ABCC5: variants seen among roughly 807,000 people sequenced by gnomAD.
The protein encoded by ABCC5 is ATP-binding cassette sub-family C member 5.
In ABCC5, 61 loss-of-function variants were observed where a neutral mutation model predicts 160.9. The ratio of observed to expected loss-of-function variants is 0.38; its 90% CI spans 0.31 to 0.47. ABCC5 has a LOEUF of 0.47. Ranked by LOEUF, ABCC5 falls within the 20% of genes least tolerant of loss-of-function variation. The probability of loss-of-function intolerance (pLI) is 0.99; values close to 1 mark genes in which losing one functional copy is unlikely to be tolerated. For missense variants in ABCC5, 1,308 were observed against 1,813.3 expected (o/e 0.72, Z 5.06); for synonymous variants, 666 against 700.6 (o/e 0.95, Z 0.78).
At chr3:183,980,622 A>G (rs572632834) in intron 8 of ABCC5, among the ~76,000 whole-genome samples, 1 of 152,228 alleles carries the variant, frequency 6.6e-6, no homozygotes, top group South Asian at 2.1e-4. Context: ...AGCCCTCATA[A>G]ATCAAATGTA....
intron 9 of ABCC5, 97 bp downstream of exon 9, chr3:183,978,406 G>A: frequency 2.0e-6 from 3 of 1,464,818 alleles, no homozygotes; most frequent in Non-Finnish European, 2.8e-6. Context: ...TTGGCTCACT[G>A]TAACCTCCAC....
chr3:183,921,269 A>AAG lies in ABCC5; in HGVS notation c.*30_*31insCT, dbSNP rs772210207. On this transcript the variant is annotated 3_prime_UTR_variant, in exon 30 of 30. Coordinates refer to ENST00000334444, the MANE Select transcript of ABCC5 (RefSeq NM_005688.4). The surrounding 1 kb of genome is among the most constrained non-coding windows in gnomAD (Gnocchi z 4.1). Reference sequence around the variant, plus strand: ...CCCAGGCAGGGAATGGCAATGCTCTAAAGAAAAGAGACTTCGTCAACAGGG... The same window carrying AAG: ...CCCAGGCAGGGAATGGCAATGCTCTAAGAAGAAAAGAGACTTCGTCAACAGGG... 7.4e-7 allele frequency: 1 copy of AAG among 1,348,660 alleles called. No individual in the cohort carries two copies. The highest frequency in any genetic ancestry group is 1.2e-5 in the South Asian group (1 of 82,184). The allele number at this position is 1,348,660 out of a possible 1,614,324, so 83.5% of individuals were successfully genotyped here. A position where few individuals can be genotyped will look rare whatever the true frequency, so the allele number is the denominator to read the frequency against.
chr3:183,983,031 T>C (rs1294529969), intron 5 of ABCC5, 24 bp from the exon 6 acceptor site: 1 of 1,575,466 alleles, frequency 6.3e-7, no homozygotes, highest in South Asian at 1.1e-5. Flanking sequence ...CACACACCAC[T>C]GTCAACATCT....
intron 2 of ABCC5, among the ~76,000 whole-genome samples, chr3:184,009,341 TC>T (rs1721502283): frequency 6.6e-6 from 1 of 152,206 alleles, no homozygotes. Context: ...GGAGATCCTG[TC>T]CCAGATTTCC....
Position 183,963,387 on chromosome 3 carries a change from G to GT in ABCC5, c.2232dup (p.Gln745ThrfsTer5). 1.9e-6 allele frequency: 3 copies of GT among 1,614,240 alleles called. No individual in the cohort carries two copies. Among genetic ancestry groups the GT allele is most frequent in the Non-Finnish European group, 2.5e-6 (3 of 1,180,028 alleles). The stretch of plus-strand genomic sequence containing the variant: ...GCCGAGGGAAGAAAGAACCATACCT[G>GT]TAACTGGTGGGTAACAAACAGAACT... On this transcript the variant is annotated frameshift_variant, in exon 15 of 30. Transcript: ENST00000334444. LOFTEE classifies it high-confidence loss of function. The surrounding 1 kb of genome is among the most constrained non-coding windows in gnomAD (Gnocchi z 4.6).
intron 16 of ABCC5, 74 bp from the exon 17 acceptor site, chr3:183,959,909 G>A: frequency 9.4e-7 from 1 of 1,065,622 alleles, no homozygotes; most frequent in Admixed American, 2.3e-5. Flanking sequence ...TACATATTAG[G>A]GAATCATCAA....
intron 10 of ABCC5, among the ~76,000 whole-genome samples, chr3:183,976,340 G>A (rs935970731): frequency 1.3e-5 from 2 of 151,596 alleles, no homozygotes; most frequent in African/African-American, 2.4e-5. Context: ...CTGCAGGCTC[G>A]ACCTCCTGGG....
At chr3:183,958,534 C>A (rs990919559) in intron 17 of ABCC5, among the ~76,000 whole-genome samples, 5 of 152,160 alleles carry the variant, frequency 3.3e-5, no homozygotes, top group African/African-American at 1.2e-4. Flanking sequence ...ATAAACCACA[C>A]TTGAATTCAA....
At chr3:183,936,759 T>C (rs1713768468) in intron 26 of ABCC5, among the ~76,000 whole-genome samples, 1 of 152,136 alleles carries the variant, frequency 6.6e-6, no homozygotes. Context: ...CCGCCCGCAT[T>C]GGCCTCCCAA....
intron 24 of ABCC5, among the ~76,000 whole-genome samples, chr3:183,944,344 G>A (rs529671339): frequency 4.0e-5 from 6 of 151,772 alleles, no homozygotes; most frequent in East Asian, 3.9e-4. Flanking sequence ...GGACTGAGCC[G>A]TATTCATGCC....
intron 12 of ABCC5, 106 bp downstream of exon 12, chr3:183,967,589 T>A: frequency 1.0e-6 from 1 of 956,990 alleles, no homozygotes; most frequent in Non-Finnish European, 1.7e-6. Flanking sequence ...GGCTGAGGGT[T>A]CATTTGTTTC....
chr3:183,926,078 T>C (rs918497856), intron 28 of ABCC5, among the ~76,000 whole-genome samples: 4 of 148,846 alleles, frequency 2.7e-5, no homozygotes, highest in Admixed American at 2.7e-4. Context: ...GACCTTGCGA[T>C]CCACCTGCCT....
At chr3:183,979,881 T>TC (rs1576887888) in intron 8 of ABCC5, among the ~76,000 whole-genome samples, 1 of 146,472 alleles carries the variant, frequency 6.8e-6, no homozygotes, top group East Asian at 2.0e-4. Flanking sequence ...GGCCAATACT[T>TC]TTTTTTTTTT....
intron 5 of ABCC5, chr3:183,984,701 C>G: frequency 6.6e-7 from 1 of 1,516,424 alleles, no homozygotes; most frequent in South Asian, 1.2e-5. Context: ...CTTGGGTCAC[C>G]ACTGTATACA....
intron 23 of ABCC5, 78 bp downstream of exon 23, chr3:183,947,246 C>G: frequency 7.1e-7 from 1 of 1,406,972 alleles, no homozygotes; most frequent in Non-Finnish European, 9.4e-7. Context: ...GTGGAGCCCC[C>G]CACAATCATC....
At chr3:183,926,054 G>T (rs1444551475) in intron 28 of ABCC5, among the ~76,000 whole-genome samples, 1 of 148,574 alleles carries the variant, frequency 6.7e-6, no homozygotes, top group Non-Finnish European at 1.5e-5. Context: ...TAGCCAGGAT[G>T]GTCTCGACCT....
intron 26 of ABCC5, among the ~76,000 whole-genome samples, chr3:183,935,777 C>T (rs1377468318): frequency 6.6e-6 from 1 of 152,256 alleles, no homozygotes; most frequent in African/African-American, 2.4e-5. Flanking sequence ...GCTGGCATTA[C>T]AGGCGTGAGC....
At chr3:183,978,423 G>C in intron 9 of ABCC5, 80 bp downstream of exon 9, 1 of 1,538,014 alleles carries the variant, frequency 6.5e-7, no homozygotes, top group Non-Finnish European at 8.8e-7. Context: ...CCACCACCTG[G>C]GTTCAAGTGA....
Position 184,017,187 on chromosome 3 carries a change from T to TC in ABCC5, c.-56+642_-56+643insG, listed in dbSNP as rs750269653. On this transcript the variant is annotated intron_variant, in intron 1 of 29. Coordinates refer to ENST00000334444, the MANE Select transcript of ABCC5 (RefSeq NM_005688.4). The surrounding 1 kb of genome is among the most constrained non-coding windows in gnomAD (Gnocchi z 4.5). ...CAGAAACCAAATGGCCCCTGTGTGATAAACACAAAGCCACCCGCGGCTCTG... is the reference window on the plus strand; with the variant it reads ...CAGAAACCAAATGGCCCCTGTGTGATCAAACACAAAGCCACCCGCGGCTCTG... Among the ~76,000 whole-genome samples, 86 of 152,222 alleles carry TC rather than the reference T, an allele frequency of 5.6e-4. No individual in the cohort carries two copies. Among genetic ancestry groups the TC allele is most frequent in the African/African-American group, 2.0e-3 (84 of 41,532 alleles).
Sources: allele counts gnomAD v4.1 joint callset (sites outside exome capture counted in the v4.1 genomes callset), GRCh38; gene constraint gnomAD v4.1.1; non-coding constraint Gnocchi (gnomAD v3.1); transcripts MANE v1.5; gene names NCBI Gene and HGNC (gene_info 2026-07-23, HGNC 2026-07-21).